Variants in SELENOW observed in about 807,000 individuals in gnomAD.
The protein encoded by SELENOW is selenoprotein W, 1.
SELENOW carries 20 observed loss-of-function variants against 16.6 expected under a neutral mutation model. The ratio of observed to expected loss-of-function variants is 1.21; its 90% CI spans 0.85 to 1.76. SELENOW has a LOEUF of 1.76. Ranked by LOEUF, SELENOW falls within the 40% of genes most tolerant of loss-of-function variation. The pLI is 0.00. For synonymous variants in SELENOW, 44 were observed against 46.2 expected, an observed-to-expected ratio of 0.95 and a Z score of 0.19; for missense variants, 124 against 111.0, an observed-to-expected ratio of 1.12 and a Z score of -0.53.
rs760212061 is a variant in SELENOW, at chr19:47,781,373, C to T, written c.*3C>T. On this transcript the variant is annotated 3_prime_UTR_variant, in exon 5 of 6. Coordinates refer to ENST00000601048, the MANE Select transcript of SELENOW (RefSeq NM_003009.4). ...AAGCCGCCTTGGCTCAGGGCTAATG[C>T]GCCCTGAAGGCAGAGGTGAGGGGGC... 26 of 1,570,960 alleles carry T rather than the reference C, an allele frequency of 1.7e-5. No homozygotes were observed. The highest frequency in any genetic ancestry group is 9.5e-5 in the African/African-American group (7 of 73,990).
chr19:47,781,413 C>G, intron 5 of SELENOW, 25 bp downstream of exon 5: 1 of 1,276,136 alleles, frequency 7.8e-7, no homozygotes, highest in South Asian at 1.3e-5. Context: ...TAGACAGGGA[C>G]ACCACCCTTT....
chr19:47,782,942 C>G (rs1169527087), intron 5 of SELENOW: 1 of 152,244 alleles, frequency 6.6e-6, no homozygotes, highest in East Asian at 1.9e-4. Context: ...TCTGATTTTC[C>G]AGTTTGTAAG....
intron 1 of SELENOW, 34 bp downstream of exon 1, chr19:47,778,848 C>A: frequency 6.3e-7 from 1 of 1,583,238 alleles, no homozygotes; most frequent in African/African-American, 1.3e-5. Context: ...CCGTCCCCGA[C>A]CCCCGCCGGG....
intron 5 of SELENOW, chr19:47,782,376 C>A (rs1279580451): frequency 6.6e-6 from 1 of 152,122 alleles, no homozygotes; most frequent in Non-Finnish European, 1.5e-5. Context: ...CCCAGTTCTC[C>A]CCATAGAGCC....
intron 1 of SELENOW, 118 bp from the exon 2 acceptor site, chr19:47,780,607 A>C: frequency 2.5e-6 from 2 of 799,850 alleles, no homozygotes; most frequent in South Asian, 1.5e-5. Context: ...GTTCCTCTTT[A>C]TTTCTTCCTG....
At chr19:47,782,868 G>A (rs1156457207) in intron 5 of SELENOW, 1 of 152,170 alleles carries the variant, frequency 6.6e-6, no homozygotes. Context: ...AATACATTGT[G>A]GAACAAGTGG....
At chr19:47,781,445 C>A in intron 5 of SELENOW, 57 bp downstream of exon 5, 3 of 963,558 alleles carry the variant, frequency 3.1e-6, no homozygotes, top group Non-Finnish European at 3.2e-6. Flanking sequence ...CTGCCCCATG[C>A]TCTGACTCCT....
At chr19:47,780,135 C>T (rs537928560) in intron 1 of SELENOW, 65 of 455,074 alleles carry the variant, frequency 1.4e-4, no homozygotes, top group Non-Finnish European at 2.8e-4. Flanking sequence ...GGGCCGGGTG[C>T]GGTGGCTCCT....
chr19:47,778,967 G>A, intron 1 of SELENOW, 153 bp downstream of exon 1: 1 of 680,136 alleles, frequency 1.5e-6, no homozygotes, highest in Non-Finnish European at 2.4e-6. Flanking sequence ...GTACGGAGGG[G>A]CGAAAAACAG....
chr19:47,780,992 G>T (rs778500720), intron 3 of SELENOW, 75 bp downstream of exon 3: 4 of 1,570,174 alleles, frequency 2.5e-6, no homozygotes, highest in Non-Finnish European at 3.5e-6. Context: ...GGCACTGCAG[G>T]GGGGTTAGGT....
Position 47,780,922 on chromosome 19 carries a change from G to A in SELENOW, c.108+5G>A. ...TTCCCCGGCCGCCTGGACATCGTGA[G>A]TCTTGGGATGGGGAGAAAGACTTGA... On this transcript the variant is annotated splice_donor_5th_base_variant and intron_variant, in intron 3 of 5. Coordinates refer to ENST00000601048, the MANE Select transcript of SELENOW (RefSeq NM_003009.4). 1 of 1,613,426 alleles carries A rather than the reference G, an allele frequency of 6.2e-7. No individual in the cohort carries two copies. The highest frequency in any genetic ancestry group is 8.5e-7 in the Non-Finnish European group (1 of 1,179,682).
intron 1 of SELENOW, chr19:47,780,434 C>G (rs987769347): frequency 8.1e-5 from 42 of 518,830 alleles, no homozygotes; most frequent in African/African-American, 7.7e-4. Context: ...TCCTCTCTCC[C>G]CTTTTTCCCC....
intron 5 of SELENOW, chr19:47,781,705 A>G (rs925441110): frequency 2.1e-5 from 9 of 437,082 alleles, no homozygotes; most frequent in Admixed American, 1.5e-4. Flanking sequence ...TGAGATGGTG[A>G]TGGGTCAAAG....
intron 3 of SELENOW, 49 bp from the exon 4 acceptor site, chr19:47,781,059 A>G (rs779593396): frequency 6.3e-7 from 1 of 1,578,960 alleles, no homozygotes; most frequent in South Asian, 1.1e-5. Context: ...GGGTCTCCCC[A>G]AGAGGACATC....
At position 47,780,210 on chromosome 19, in the gene SELENOW, C is replaced by T. The variant is rs557531452; in HGVS notation, c.30-515C>T. ...ATCCCCTGAGGTTAGGAGTTCGAGA[C>T]CAGCCTGGCCAACATGGTGAAAATA... On this transcript the variant is annotated intron_variant, in intron 1 of 5. Transcript: ENST00000601048. 51 of 401,756 alleles carry T rather than the reference C, an allele frequency of 1.3e-4. 1 individual carries two copies. The highest frequency in any genetic ancestry group is 8.1e-4 in the African/African-American group (39 of 47,962). The allele number at this position is 401,756 out of a possible 1,614,324, so 24.9% of individuals were successfully genotyped here.
Position 47,780,748 on chromosome 19 carries a change from A to G in SELENOW, c.53A>G (p.Lys18Arg), listed in dbSNP as rs561559976. Residue 18 changes from lysine (K) to arginine (R), a missense_variant and splice_region_variant, in exon 2 of 6, where the codon AAG becomes AGG. Lys to Arg is a conservative substitution (Grantham distance 26). Coordinates refer to ENST00000601048, the MANE Select transcript of SELENOW (RefSeq NM_003009.4). Reference protein sequence around the residue: ...VYCGAUGYKSKYLQLKKKLED... With the variant: ...VYCGAUGYKSRYLQLKKKLED... ...AGTGGCGCTTGAGGCTACAAGTCCA[A>G]GGTAAGCAGAGTGGATGCCCGGGGG... 25 of 1,562,440 alleles carry G rather than the reference A, an allele frequency of 1.6e-5. No individual in the cohort carries two copies. The South Asian group carries it at 1.9e-4, about 12-fold the overall frequency.
rs1967441318 is a variant in SELENOW at position 47,779,025 on chromosome 19, A to T, written c.29+211A>T. 2 of 558,364 alleles carry T rather than the reference A, an allele frequency of 3.6e-6. 1 individual carries two copies. Among genetic ancestry groups the T allele is most frequent in the South Asian group, 4.4e-5 (2 of 45,156 alleles). The allele number at this position is 558,364 out of a possible 1,614,324, so 34.6% of individuals were successfully genotyped here. A position where few individuals can be genotyped will look rare whatever the true frequency, so the allele number is the denominator to read the frequency against. ...GTCTTCGACTTGTGACACGCTGGGC[A>T]TCTCGGGTTATAAAAGGTGGGGCTG... On this transcript the variant is annotated intron_variant, in intron 1 of 5. Transcript: ENST00000601048.
intron 1 of SELENOW, chr19:47,779,994 A>C (rs558449116): frequency 3.0e-6 from 1 of 333,956 alleles, no homozygotes; most frequent in Non-Finnish European, 6.2e-6. Context: ...AGCAGAGGCA[A>C]GAGTGACATT....
intron 1 of SELENOW, chr19:47,779,820 G>T (rs1323603030): frequency 5.8e-6 from 1 of 173,274 alleles, no homozygotes; most frequent in African/African-American, 2.4e-5. Context: ...AAAAAAAAAA[G>T]TAAATTAAAG....
Sources: allele counts gnomAD v4.1 joint callset, GRCh38; gene constraint gnomAD v4.1.1; transcripts MANE v1.5; gene names NCBI Gene and HGNC (gene_info 2026-07-23, HGNC 2026-07-21).